Variants in NDST4 observed in about 807,000 individuals in gnomAD.
NDST4 encodes the protein N-deacetylase and N-sulfotransferase 4, also known as N-heparan sulfate sulfotransferase 4.
A neutral mutation model predicts 100.8 loss-of-function variants in NDST4; 63 were observed. That is an observed-to-expected ratio of 0.62 (90% CI 0.51 to 0.77). NDST4 has a LOEUF of 0.77. NDST4 is among the 30% of genes least tolerant of loss of function. NDST4 has a pLI of 0.00. For missense variants in NDST4, 943 were observed against 1,018.4 expected (o/e 0.93, Z 1.01); for synonymous variants, 377 against 361.8 (o/e 1.04, Z -0.48).
At chr4:114,853,393 G>A (rs1016400858) in intron 7 of NDST4, among the ~76,000 whole-genome samples, 1 of 151,982 alleles carries the variant, frequency 6.6e-6, no homozygotes, top group African/African-American at 2.4e-5. Flanking sequence ...TATCATTTTT[G>A]TATAGATACG....
intron 1 of NDST4, among the ~76,000 whole-genome samples, chr4:115,095,751 A>G (rs897439455): frequency 1.3e-5 from 2 of 152,114 alleles, no homozygotes; most frequent in Non-Finnish European, 2.9e-5. Context: ...TTCCAACACT[A>G]TAGAGGTTTT....
intron 8 of NDST4, 142 bp downstream of exon 8, chr4:114,852,583 A>T: frequency 1.8e-6 from 1 of 567,504 alleles, no homozygotes; most frequent in Non-Finnish European, 3.1e-6. Flanking sequence ...AATCATGGAG[A>T]TGACAAGCAG....
At chr4:115,037,396 A>T (rs1289836752) in intron 2 of NDST4, among the ~76,000 whole-genome samples, 1 of 152,108 alleles carries the variant, frequency 6.6e-6, no homozygotes, top group Non-Finnish European at 1.5e-5. Context: ...TGGACAGATG[A>T]CTGCTAACTT....
chr4:115,051,703 C>T (rs1046655612), intron 2 of NDST4, among the ~76,000 whole-genome samples: 23 of 152,136 alleles, frequency 1.5e-4, no homozygotes, highest in East Asian at 7.7e-4. Flanking sequence ...TTGGCTATTA[C>T]GAATAATGCA....
intron 1 of NDST4, among the ~76,000 whole-genome samples, chr4:115,091,922 A>ATAAATGAG (rs1239178916): frequency 6.6e-6 from 1 of 152,182 alleles, no homozygotes; most frequent in African/African-American, 2.4e-5. Context: ...TGAATTTGTC[A>ATAAATGAG]TAAATGAGTA....
intron 2 of NDST4, among the ~76,000 whole-genome samples, chr4:115,015,741 C>A (rs1010584376): frequency 1.3e-5 from 2 of 152,114 alleles, no homozygotes; most frequent in African/African-American, 4.8e-5. Flanking sequence ...CCAATGGGCT[C>A]ATGAACAAAG....
chr4:114,918,278 G>A (rs1725216062), intron 6 of NDST4, among the ~76,000 whole-genome samples: 1 of 151,678 alleles, frequency 6.6e-6, no homozygotes, highest in African/African-American at 2.4e-5. Flanking sequence ...GCGATGCTGG[G>A]TGAAGGAGCA....
intron 4 of NDST4, among the ~76,000 whole-genome samples, chr4:114,954,652 C>A (rs1726094929): frequency 6.6e-6 from 1 of 152,000 alleles, no homozygotes; most frequent in South Asian, 2.1e-4. Flanking sequence ...CTAAAACATT[C>A]TTTTTTCCTG....
chr4:115,008,765 G>T lies in NDST4; in HGVS notation c.979-31491C>A. 1.6e-5 allele frequency among the ~76,000 whole-genome samples: 2 copies of T among 127,818 alleles called. 1 individual carries two copies. Among genetic ancestry groups the T allele is most frequent in the Non-Finnish European group, 3.3e-5 (2 of 59,798 alleles). The allele number at this position is 127,818 out of a possible 152,430, so 83.9% of individuals were successfully genotyped here. The stretch of plus-strand genomic sequence containing the variant: ...AATTGTCCCTGTTTGCAGATGACAT[G>T]ATTGTATATCTAGAAAACCCCATTG... On this transcript the variant is annotated intron_variant, in intron 2 of 13. Transcript: ENST00000264363.
At chr4:115,108,265 G>C (rs1729872583) in intron 1 of NDST4, among the ~76,000 whole-genome samples, 1 of 151,924 alleles carries the variant, frequency 6.6e-6, no homozygotes, top group East Asian at 1.9e-4. Flanking sequence ...ATGTTTAAAT[G>C]ATTGTTATGT....
intron 2 of NDST4, among the ~76,000 whole-genome samples, chr4:115,012,864 T>C (rs941201804): frequency 2.0e-5 from 3 of 152,022 alleles, no homozygotes; most frequent in Non-Finnish European, 4.4e-5. Context: ...TGGAGTATTA[T>C]TTAGAAGTAA....
At chr4:114,958,194 T>C (rs1726181167) in intron 4 of NDST4, among the ~76,000 whole-genome samples, 1 of 152,330 alleles carries the variant, frequency 6.6e-6, no homozygotes, top group Non-Finnish European at 1.5e-5. Flanking sequence ...AGCGTGGACA[T>C]CCAGGCATTT....
At chr4:114,937,527 C>G in intron 4 of NDST4, 24 bp from the exon 5 acceptor site, 3 of 1,518,828 alleles carry the variant, frequency 2.0e-6, no homozygotes, top group Non-Finnish European at 2.6e-6. Flanking sequence ...AGAACAACAT[C>G]ATGATGGGAC....
chr4:115,093,272 G>C (rs534858233), intron 1 of NDST4, among the ~76,000 whole-genome samples: 2 of 152,088 alleles, frequency 1.3e-5, no homozygotes, highest in Admixed American at 1.3e-4. Context: ...TCAGGAGATC[G>C]AGACTATCCT....
At chr4:114,833,583 A>G in intron 12 of NDST4, 23 bp downstream of exon 12, 1 of 1,453,406 alleles carries the variant, frequency 6.9e-7, no homozygotes, top group Non-Finnish European at 9.7e-7. Flanking sequence ...TGGAAATGAA[A>G]TCAAGCATGA....
At chr4:115,065,988 G>A (rs1053249399) in intron 2 of NDST4, among the ~76,000 whole-genome samples, 3 of 152,156 alleles carry the variant, frequency 2.0e-5, no homozygotes, top group Admixed American at 1.3e-4. Flanking sequence ...GATCGCAGAA[G>A]ACTCAAATAC....
chr4:114,850,261 T>G (rs1723644065), intron 8 of NDST4, among the ~76,000 whole-genome samples: 1 of 152,104 alleles, frequency 6.6e-6, no homozygotes, highest in Non-Finnish European at 1.5e-5. Flanking sequence ...AGTAGAAATG[T>G]TTAATTACCC....
At position 115,102,704 on chromosome 4, in the gene NDST4, CT is replaced by C. The variant is rs751431042; in HGVS notation, c.-247+10739del. On this transcript the variant is annotated intron_variant, in intron 1 of 13. Coordinates refer to ENST00000264363, the MANE Select transcript of NDST4 (RefSeq NM_022569.3). ...TTATATACCATATACTTCTGACTTC[CT>C]TTTTTTTTTTTTTTTTTTTTGACAT... Among the ~76,000 whole-genome samples the C allele has an allele frequency of 8.1e-3, 732 of 90,524 alleles. 4 individuals carry two copies. The highest frequency in any genetic ancestry group is 0.03 in the African/African-American group (615 of 20,704). The allele number at this position is 90,524 out of a possible 152,430, so 59.4% of individuals were successfully genotyped here.
intron 2 of NDST4, among the ~76,000 whole-genome samples, chr4:115,018,592 A>G (rs1727740533): frequency 6.6e-6 from 1 of 151,924 alleles, no homozygotes; most frequent in Non-Finnish European, 1.5e-5. Context: ...TTTATCAGGG[A>G]TTGCAGGATA....
Sources: gnomAD v4.1 joint callset for allele counts (sites outside exome capture counted in the v4.1 genomes callset) on GRCh38, gnomAD v4.1.1 for gene constraint, MANE v1.5 for transcripts, NCBI Gene and HGNC (gene_info 2026-07-23, HGNC 2026-07-21) for gene names.